The following ZNF469 variants were observed in gnomAD, a reference collection of about 807,000 sequenced individuals.
The protein encoded by ZNF469 is zinc finger protein 469.
In ZNF469, 1 loss-of-function variant was observed where a neutral mutation model predicts 1.0. The ratio of observed to expected loss-of-function variants is 1.00; its 90% CI spans 0.35 to 4.73. The LOEUF (loss-of-function observed/expected upper bound fraction) is 4.73, where lower values mean the gene tolerates loss of function less well. Among genes scored for constraint, ZNF469 ranks in the 30% most tolerant of loss-of-function variants. The probability of loss-of-function intolerance (pLI) is 0.16; values close to 1 mark genes in which losing one functional copy is unlikely to be tolerated. For missense variants in ZNF469, 6,100 were observed against 5,356.3 expected, an observed-to-expected ratio of 1.14 and a Z score of -4.33; for synonymous variants, 2,703 against 2,363.4, an observed-to-expected ratio of 1.14 and a Z score of -4.17.
chr16:88,181,008 A>G, the ZNF469 span, among the ~76,000 whole-genome samples: 11 of 152,290 alleles, frequency 7.2e-5, no homozygotes, highest in South Asian at 2.3e-3. Context: ...CTGAATCACA[A>G]TATCATCCAA....
At chr16:88,186,008 C>T in the ZNF469 span, among the ~76,000 whole-genome samples, 2 of 152,262 alleles carry the variant, frequency 1.3e-5, no homozygotes, top group Admixed American at 6.5e-5. Flanking sequence ...TTCGCACACT[C>T]AGAGTGCCCC....
the ZNF469 span, among the ~76,000 whole-genome samples, chr16:88,179,851 A>G: frequency 6.6e-6 from 1 of 152,386 alleles, no homozygotes; most frequent in East Asian, 1.9e-4. Flanking sequence ...AATCTGTGGT[A>G]ACAACAGTAC....
the ZNF469 span, among the ~76,000 whole-genome samples, chr16:88,271,965 T>C: frequency 2.6e-5 from 4 of 151,396 alleles, no homozygotes; most frequent in Non-Finnish European, 5.9e-5. Context: ...GATAAATGGG[T>C]AGGTGAATGG....
chr16:88,103,128 C>A, the ZNF469 span, among the ~76,000 whole-genome samples: 1 of 152,148 alleles, frequency 6.6e-6, no homozygotes, highest in African/African-American at 2.4e-5. Flanking sequence ...TTCTGGCGGA[C>A]GCCCCTTCTG....
chr16:88,319,183 G>A, the ZNF469 span, among the ~76,000 whole-genome samples: 1 of 152,290 alleles, frequency 6.6e-6, no homozygotes, highest in East Asian at 1.9e-4. Flanking sequence ...ACAGATGGAA[G>A]AGGGTCTGGG....
At chr16:88,186,788 G>C in the ZNF469 span, among the ~76,000 whole-genome samples, 1 of 152,248 alleles carries the variant, frequency 6.6e-6, no homozygotes, top group Admixed American at 6.5e-5. Context: ...CTCTCGCTGG[G>C]AGGGCTCCGG....
Position 88,431,292 on chromosome 16 carries a change from C to G in ZNF469, c.3822C>G (p.Asp1274Glu). 1 of 1,550,224 alleles carries G rather than the reference C, an allele frequency of 6.5e-7. No homozygotes were observed. Among genetic ancestry groups the G allele is most frequent in the Non-Finnish European group, 8.7e-7 (1 of 1,146,934 alleles). Residue 1274 changes from aspartate to glutamate, a missense_variant, in exon 3 of 3, where the codon GAC becomes GAG. Coordinates refer to ENST00000565624, the MANE Select transcript of ZNF469 (RefSeq NM_001367624.2). ...IPEQPPPSRHDTGTPKPSGSL... is the reference protein window; with the variant it reads ...IPEQPPPSRHETGTPKPSGSL... ...AGCAGCCGCCGCCCAGCAGACATGA[C>G]ACCGGCACCCCCAAGCCGTCGGGAA...
At chr16:88,246,955 ATGAGTGAATAAG>A in the ZNF469 span, among the ~76,000 whole-genome samples, 2 of 149,718 alleles carry the variant, frequency 1.3e-5, no homozygotes, top group South Asian at 2.1e-4. Flanking sequence ...GAATGAATGA[ATGAGTGAATAAG>A]TGAGTGAATG....
upstream of ZNF469, among the ~76,000 whole-genome samples, chr16:88,378,006 C>G (rs774667594): frequency 4.6e-5 from 7 of 152,088 alleles, no homozygotes; most frequent in Non-Finnish European, 1.0e-4. Flanking sequence ...CCTCAAGGAC[C>G]CCAAGTCCAA....
the ZNF469 span, among the ~76,000 whole-genome samples, chr16:88,348,070 C>A: frequency 6.6e-6 from 1 of 152,260 alleles, no homozygotes; most frequent in South Asian, 2.1e-4. Context: ...CCAGGGACAG[C>A]AGCGGGTCGG....
At chr16:88,305,237 C>A in the ZNF469 span, among the ~76,000 whole-genome samples, 1 of 151,212 alleles carries the variant, frequency 6.6e-6, no homozygotes, top group Admixed American at 6.6e-5. Flanking sequence ...TGCACACACA[C>A]GCTCACAGGC....
the ZNF469 span, among the ~76,000 whole-genome samples, chr16:88,204,027 A>G: frequency 1.1e-4 from 16 of 143,962 alleles, no homozygotes; most frequent in African/African-American, 4.4e-4. Context: ...ATAACCCCAT[A>G]GAGCAATGGG....
At chr16:88,270,764 C>G in the ZNF469 span, among the ~76,000 whole-genome samples, 1 of 152,242 alleles carries the variant, frequency 6.6e-6, no homozygotes, top group Admixed American at 6.5e-5. Context: ...AGGAAAAGCC[C>G]ATCGCTGAAC....
At chr16:88,237,054 T>C in the ZNF469 span, among the ~76,000 whole-genome samples, 1 of 150,632 alleles carries the variant, frequency 6.6e-6, no homozygotes, top group Non-Finnish European at 1.5e-5. Flanking sequence ...ACTGAGAACA[T>C]TCTGTGGGTG....
At chr16:88,234,815 T>A in the ZNF469 span, 5 of 152,286 alleles carry the variant, frequency 3.3e-5, no homozygotes, top group East Asian at 9.7e-4. Flanking sequence ...CTCGTTCCCA[T>A]CAGATAAAGC....
chr16:88,241,509 A>G, the ZNF469 span, among the ~76,000 whole-genome samples: 1 of 152,098 alleles, frequency 6.6e-6, no homozygotes, highest in Admixed American at 6.5e-5. The surrounding 1 kb of genome is among the most constrained non-coding windows in gnomAD (Gnocchi z 4.8). Context: ...AGGTGTCACC[A>G]GGGCCCAGGC....
chr16:88,283,540 T>G, the ZNF469 span, among the ~76,000 whole-genome samples: 1 of 152,198 alleles, frequency 6.6e-6, no homozygotes, highest in African/African-American at 2.4e-5. Flanking sequence ...TTCTTCCAAC[T>G]TTTCTGTGTG....
At chr16:88,417,682 C>T (rs1024128072) in intron 1 of ZNF469, among the ~76,000 whole-genome samples, 1 of 152,218 alleles carries the variant, frequency 6.6e-6, no homozygotes, top group African/African-American at 2.4e-5. Flanking sequence ...GTTTGCTGGG[C>T]TCCGGTACAG....
the ZNF469 span, among the ~76,000 whole-genome samples, chr16:88,293,605 A>T: frequency 6.6e-6 from 1 of 152,158 alleles, no homozygotes; most frequent in Non-Finnish European, 1.5e-5. Flanking sequence ...AAGTTCTCCC[A>T]CCTGAAGGGG....
Sources: allele counts gnomAD v4.1 joint callset (sites outside exome capture counted in the v4.1 genomes callset), GRCh38; gene constraint gnomAD v4.1.1; non-coding constraint Gnocchi (gnomAD v3.1); transcripts MANE v1.5; gene names NCBI Gene and HGNC (gene_info 2026-07-23, HGNC 2026-07-21).